The following ICA1 variants were observed in gnomAD, a reference collection of about 807,000 sequenced individuals.
ICA1 encodes the protein islet cell autoantigen 1.
In ICA1, 40 loss-of-function variants were observed where a neutral mutation model predicts 71.0. The observed-to-expected ratio is 0.56, with a 90% confidence interval of 0.44 to 0.73. The LOEUF is 0.73. ICA1 is among the 30% of genes least tolerant of loss of function. The pLI is 0.00. For synonymous variants in ICA1, 207 were observed against 209.5 expected, an observed-to-expected ratio of 0.99 and a Z score of 0.10; for missense variants, 578 against 576.5, an observed-to-expected ratio of 1.00 and a Z score of -0.03.
At chr7:8,127,567 G>A (rs966555403) in intron 13 of ICA1, among the ~76,000 whole-genome samples, 1 of 152,128 alleles carries the variant, frequency 6.6e-6, no homozygotes, top group African/African-American at 2.4e-5. Context: ...AGTCAACGGG[G>A]CCTTGACCAT....
At chr7:8,248,641 G>A (rs1414244697) in intron 1 of ICA1, among the ~76,000 whole-genome samples, 1 of 152,186 alleles carries the variant, frequency 6.6e-6, no homozygotes, top group African/African-American at 2.4e-5. Context: ...GCTTGAGCCA[G>A]GAAGGTGGAA....
intron 6 of ICA1, among the ~76,000 whole-genome samples, chr7:8,176,021 A>G (rs975121296): frequency 1.3e-5 from 2 of 152,224 alleles, no homozygotes; most frequent in South Asian, 2.1e-4. Context: ...CAACTGTTTC[A>G]TTCTGCAACT....
chr7:8,233,992 G>C (rs1801058178), intron 2 of ICA1, among the ~76,000 whole-genome samples: 1 of 152,166 alleles, frequency 6.6e-6, no homozygotes, highest in African/African-American at 2.4e-5. Context: ...GAAGGCCCAG[G>C]CAGGAGGACT....
intron 6 of ICA1, among the ~76,000 whole-genome samples, chr7:8,206,664 T>G (rs1318753166): frequency 2.7e-5 from 4 of 150,112 alleles, no homozygotes; most frequent in Non-Finnish European, 5.9e-5. Flanking sequence ...TCCCCCAACT[T>G]GCTTCCAGGC....
chr7:8,241,617 G>T (rs1803924881), intron 1 of ICA1, among the ~76,000 whole-genome samples: 1 of 152,132 alleles, frequency 6.6e-6, no homozygotes, highest in South Asian at 2.1e-4. Flanking sequence ...GACACAGACT[G>T]GCAAATTGGA....
intron 6 of ICA1, among the ~76,000 whole-genome samples, chr7:8,174,383 C>T (rs1007448376): frequency 1.3e-5 from 2 of 152,088 alleles, no homozygotes; most frequent in Admixed American, 1.3e-4. Context: ...TTTATATATA[C>T]ATTTTTTCTG....
intron 6 of ICA1, among the ~76,000 whole-genome samples, chr7:8,180,281 A>G (rs1250435728): frequency 6.6e-6 from 1 of 152,176 alleles, no homozygotes. Flanking sequence ...AGTCATATAT[A>G]TATTGTGATA....
intron 1 of ICA1, among the ~76,000 whole-genome samples, chr7:8,251,067 A>AT (rs893840374): frequency 1.3e-5 from 2 of 151,888 alleles, no homozygotes; most frequent in Non-Finnish European, 2.9e-5. Context: ...GGCCCAGCTA[A>AT]TTTTTTTATT....
intron 6 of ICA1, among the ~76,000 whole-genome samples, chr7:8,174,373 T>C (rs1163106533): frequency 1.3e-5 from 2 of 152,140 alleles, no homozygotes; most frequent in Non-Finnish European, 2.9e-5. Flanking sequence ...AGAAAACTCA[T>C]TTATATATAC....
intron 6 of ICA1, among the ~76,000 whole-genome samples, chr7:8,216,524 C>T (rs890501150): frequency 1.0e-4 from 15 of 148,060 alleles, no homozygotes; most frequent in African/African-American, 2.8e-4. Context: ...AACCAAATGA[C>T]GAACGGGCTT....
chr7:8,191,140 T>C (rs138366615), intron 6 of ICA1, among the ~76,000 whole-genome samples: 1 of 152,240 alleles, frequency 6.6e-6, no homozygotes, highest in Non-Finnish European at 1.5e-5. Flanking sequence ...GAAATCACTA[T>C]TTTGATGTAT....
chr7:8,147,773 A>G (rs1367934531), intron 8 of ICA1, among the ~76,000 whole-genome samples: 1 of 151,638 alleles, frequency 6.6e-6, no homozygotes, highest in Non-Finnish European at 1.5e-5. Flanking sequence ...AATTCACCTA[A>G]CTGTTCAATG....
chr7:8,232,886 A>G (rs1186686930), intron 2 of ICA1, 131 bp from the exon 3 acceptor site: 2 of 749,622 alleles, frequency 2.7e-6, no homozygotes, highest in Non-Finnish European at 2.0e-6. Flanking sequence ...ACGTATGAGC[A>G]CTTTCTTATC....
At position 8,218,493 on chromosome 7, in the gene ICA1, G is replaced by C. The variant is rs137948932; in HGVS notation, c.391C>G (p.Arg131Gly). 21 of 1,613,900 alleles carry C rather than the reference G, an allele frequency of 1.3e-5. No individual in the cohort carries two copies. In the African/African-American group the frequency reaches 2.1e-4, roughly 16 times the overall value. ...TGGTGAAATCGACACAAAGGATTTC[G>C]TAAGGCCAACCTAGACAAGAGGACA... is the stretch of plus-strand genomic sequence containing the variant. ...CFSSQQRLAL[R>G]NPLCRFHQEV... Residue 131 changes from arginine to glycine, a missense_variant, in exon 6 of 14, where the codon CGA becomes GGA. Arg to Gly is a moderately radical substitution (Grantham distance 125, BLOSUM62 -2). Transcript: ENST00000402384.
intron 6 of ICA1, among the ~76,000 whole-genome samples, chr7:8,162,770 T>C (rs1387040572): frequency 2.6e-5 from 4 of 152,194 alleles, no homozygotes; most frequent in Admixed American, 6.5e-5. Context: ...GAAATGGTCA[T>C]TTATTTATTT....
At chr7:8,125,481 T>G (rs1562530827) in intron 13 of ICA1, among the ~76,000 whole-genome samples, 1 of 152,178 alleles carries the variant, frequency 6.6e-6, no homozygotes, top group Non-Finnish European at 1.5e-5. Flanking sequence ...ATCTTCCCAG[T>G]AAGAACCTAC....
intron 6 of ICA1, among the ~76,000 whole-genome samples, chr7:8,180,813 C>A (rs113908434): frequency 6.7e-6 from 1 of 149,626 alleles, no homozygotes; most frequent in African/African-American, 2.4e-5. Context: ...CATTTTTTCA[C>A]GAGGTGGCGG....
chr7:8,140,848 A>T (rs549845872), intron 10 of ICA1, among the ~76,000 whole-genome samples: 2 of 152,342 alleles, frequency 1.3e-5, no homozygotes, highest in East Asian at 3.9e-4. Context: ...TGGAAAGGTA[A>T]AAAGGAAGAT....
At chr7:8,207,472 A>G (rs1239346358) in intron 6 of ICA1, among the ~76,000 whole-genome samples, 1 of 152,228 alleles carries the variant, frequency 6.6e-6, no homozygotes, top group African/African-American at 2.4e-5. Context: ...CTGAAGATGA[A>G]GCAGGATTTC....
Sources: allele counts gnomAD v4.1 joint callset (sites outside exome capture counted in the v4.1 genomes callset), GRCh38; gene constraint gnomAD v4.1.1; transcripts MANE v1.5; gene names NCBI Gene and HGNC (gene_info 2026-07-23, HGNC 2026-07-21).